Variants in CPNE4 observed in about 807,000 individuals in gnomAD.
CPNE4 encodes copine 4.
A neutral mutation model predicts 67.9 loss-of-function variants in CPNE4; 25 were observed. That is an observed-to-expected ratio of 0.37 (90% CI 0.27 to 0.51). CPNE4 has a LOEUF of 0.51. Among genes scored for constraint, CPNE4 ranks in the 20% least tolerant of loss-of-function variants. The pLI is 0.93. For synonymous variants in CPNE4, 242 were observed against 244.9 expected (o/e 0.99, Z 0.11); for missense variants, 464 against 690.8 (o/e 0.67, Z 3.68).
chr3:132,028,254 T>C (rs1560811636), intron 1 of CPNE4, among the ~76,000 whole-genome samples: 1 of 152,208 alleles, frequency 6.6e-6, no homozygotes, highest in Non-Finnish European at 1.5e-5. Context: ...CACCTTAGTA[T>C]AACAGGACTT....
At chr3:131,974,039 T>C (rs774986585) in intron 1 of CPNE4, among the ~76,000 whole-genome samples, 3 of 152,178 alleles carry the variant, frequency 2.0e-5, no homozygotes, top group Non-Finnish European at 2.9e-5. Flanking sequence ...GATACCTCCA[T>C]GTAAATTTAC....
intron 7 of CPNE4, among the ~76,000 whole-genome samples, chr3:131,631,717 A>C (rs2079225887): frequency 6.6e-6 from 1 of 152,030 alleles, no homozygotes; most frequent in African/African-American, 2.4e-5. Flanking sequence ...TAGTATTGAT[A>C]AAACATTGAA....
chr3:131,535,478 G>A, intron 15 of CPNE4, 149 bp from the exon 16 acceptor site: 2 of 695,306 alleles, frequency 2.9e-6, no homozygotes, highest in Non-Finnish European at 4.4e-6. Context: ...AGCAATAGTT[G>A]TCAGATTGTT....
chr3:131,789,029 C>G (rs1425664875), intron 2 of CPNE4, among the ~76,000 whole-genome samples: 1 of 147,886 alleles, frequency 6.8e-6, no homozygotes, highest in African/African-American at 2.5e-5. Flanking sequence ...CACACACACA[C>G]ACACACAGAG....
intron 1 of CPNE4, among the ~76,000 whole-genome samples, chr3:132,012,200 G>A (rs1369982032): frequency 2.3e-5 from 3 of 133,120 alleles, no homozygotes; most frequent in Non-Finnish European, 3.1e-5. Flanking sequence ...AGACAGTCTC[G>A]CTCTGTCACC....
intron 2 of CPNE4, among the ~76,000 whole-genome samples, chr3:131,796,604 C>T (rs988259903): frequency 2.0e-5 from 3 of 152,192 alleles, no homozygotes; most frequent in Non-Finnish European, 4.4e-5. Context: ...ACATCATCTG[C>T]CCCCTCCTCC....
At chr3:131,701,029 G>A (rs1180816097) in intron 3 of CPNE4, among the ~76,000 whole-genome samples, 1 of 146,930 alleles carries the variant, frequency 6.8e-6, no homozygotes, top group Non-Finnish European at 1.5e-5. Context: ...TCACTCATAG[G>A]TGGGAATTGA....
intron 2 of CPNE4, among the ~76,000 whole-genome samples, chr3:131,749,725 T>G (rs1338133011): frequency 1.3e-5 from 2 of 152,192 alleles, no homozygotes; most frequent in Non-Finnish European, 2.9e-5. Context: ...TTGGCAATTT[T>G]CTTTACTCTG....
intron 2 of CPNE4, among the ~76,000 whole-genome samples, chr3:131,811,294 G>A (rs983346797): frequency 6.6e-6 from 1 of 151,952 alleles, no homozygotes; most frequent in South Asian, 2.1e-4. Context: ...GGTTCTATGG[G>A]TATATACTTC....
chr3:131,777,530 G>C (rs16837823), intron 2 of CPNE4, among the ~76,000 whole-genome samples: 6,885 of 151,974 alleles, frequency 0.045, 234 homozygotes, highest in African/African-American at 0.096. Flanking sequence ...GATCACATTG[G>C]AGAAAGAAGC....
At chr3:131,746,005 T>A (rs914835352) in intron 2 of CPNE4, among the ~76,000 whole-genome samples, 4 of 152,138 alleles carry the variant, frequency 2.6e-5, no homozygotes, top group Non-Finnish European at 5.9e-5. Context: ...TTCAGTCTTT[T>A]AATCCACGAA....
chr3:132,036,554 TCCA>T (rs1583629865), upstream of CPNE4, among the ~76,000 whole-genome samples: 2 of 152,224 alleles, frequency 1.3e-5, no homozygotes. Context: ...AAACATTACT[TCCA>T]GGTTTTGTTA....
chr3:131,710,289 T>G (rs1454338818), intron 3 of CPNE4, among the ~76,000 whole-genome samples: 4 of 152,240 alleles, frequency 2.6e-5, no homozygotes. Flanking sequence ...GGGGTCTAAC[T>G]GCTATACATT....
chr3:131,688,380 C>G (rs1237644611), intron 5 of CPNE4, among the ~76,000 whole-genome samples: 1 of 152,120 alleles, frequency 6.6e-6, no homozygotes, highest in Non-Finnish European at 1.5e-5. Context: ...CGTCTCTCCC[C>G]CAAAATGGCC....
intron 2 of CPNE4, among the ~76,000 whole-genome samples, chr3:131,734,735 C>T (rs942646884): frequency 4.6e-5 from 7 of 152,072 alleles, no homozygotes; most frequent in African/African-American, 1.4e-4. Context: ...AAACACAATA[C>T]AAAAAATTAG....
intron 7 of CPNE4, among the ~76,000 whole-genome samples, chr3:131,638,450 A>T (rs2079450846): frequency 6.6e-6 from 1 of 152,162 alleles, no homozygotes; most frequent in Non-Finnish European, 1.5e-5. Context: ...TGATAAAAGG[A>T]CTAGTCCAAC....
intron 1 of CPNE4, among the ~76,000 whole-genome samples, chr3:132,017,216 A>T (rs2107684240): frequency 6.6e-6 from 1 of 152,278 alleles, no homozygotes; most frequent in South Asian, 2.1e-4. Context: ...GAATGAGCAG[A>T]TGGATATAAA....
chr3:131,894,583 C>T (rs541106056), intron 2 of CPNE4, among the ~76,000 whole-genome samples: 4 of 151,760 alleles, frequency 2.6e-5, no homozygotes, highest in African/African-American at 9.6e-5. Flanking sequence ...CAAAAGAAGA[C>T]ATACATATGA....
intron 7 of CPNE4, among the ~76,000 whole-genome samples, chr3:131,608,668 A>C (rs1207682133): frequency 6.6e-6 from 1 of 152,150 alleles, no homozygotes; most frequent in African/African-American, 2.4e-5. Flanking sequence ...ACTGAGAGGA[A>C]GGGCAAGAAC....
Sources: gnomAD v4.1 joint callset for allele counts (sites outside exome capture counted in the v4.1 genomes callset) on GRCh38, gnomAD v4.1.1 for gene constraint, MANE v1.5 for transcripts, NCBI Gene and HGNC (gene_info 2026-07-23, HGNC 2026-07-21) for gene names.